Variants in UNC79 observed in about 807,000 individuals in gnomAD.
The protein encoded by UNC79 is protein unc-79 homolog.
Under a neutral mutation model 283.1 loss-of-function variants are expected in UNC79, and 37 were observed. The ratio of observed to expected loss-of-function variants is 0.13; its 90% confidence interval spans 0.10 to 0.17. The LOEUF (loss-of-function observed/expected upper bound fraction) is 0.17, where lower values mean the gene tolerates loss of function less well. Among genes scored for constraint, UNC79 ranks in the 10% least tolerant of loss-of-function variants. UNC79 has a pLI of 1.00. For missense variants in UNC79, 2,272 were observed against 3,211.1 expected (o/e 0.71, Z 7.07); for synonymous variants, 1,107 against 1,200.2 (o/e 0.92, Z 1.61).
intron 1 of UNC79, among the ~76,000 whole-genome samples, chr14:93,439,846 A>T (rs1346798009): frequency 1.3e-5 from 2 of 152,102 alleles, no homozygotes; most frequent in Non-Finnish European, 2.9e-5. Context: ...TCTCTAAAAA[A>T]TTATGCATTT....
chr14:93,604,768 T>A, intron 26 of UNC79, 128 bp from the exon 27 acceptor site: 1 of 966,998 alleles, frequency 1.0e-6, no homozygotes, highest in Non-Finnish European at 1.4e-6. Flanking sequence ...ACAACTTTTA[T>A]GTGATGTTAA....
Position 93,621,579 on chromosome 14 carries a change from A to C in UNC79, c.4388-42A>C, listed in dbSNP as rs1278430216. 6.7e-7 allele frequency: 1 copy of C among 1,493,130 alleles called. No homozygotes were observed. Among genetic ancestry groups the C allele is most frequent in the African/African-American group, 1.4e-5 (1 of 71,398 alleles). The allele number at this position is 1,493,130 out of a possible 1,614,324, so 92.5% of individuals were successfully genotyped here. On this transcript the variant is annotated intron_variant, in intron 29 of 48. Coordinates refer to ENST00000555664, the Ensembl canonical transcript of UNC79. This position sits in a 1 kb window ranked among gnomAD's most constrained non-coding sequence, Gnocchi z 4.8. Reference sequence around the variant, plus strand: ...AAGGATGAGGGGAAAAAATGGTGAAATCTCCAAGTAAAATAGTACTAGCTT... The same window carrying C: ...AAGGATGAGGGGAAAAAATGGTGAACTCTCCAAGTAAAATAGTACTAGCTT...
chr14:93,590,746 C>T (rs1262835973), intron 22 of UNC79, among the ~76,000 whole-genome samples: 2 of 152,172 alleles, frequency 1.3e-5, no homozygotes, highest in East Asian at 1.9e-4. Flanking sequence ...AGTCTGCCCT[C>T]GAGAGCTGGG....
At chr14:93,360,745 G>C (rs560573525) in intron 1 of UNC79, among the ~76,000 whole-genome samples, 2 of 152,328 alleles carry the variant, frequency 1.3e-5, no homozygotes, top group Admixed American at 1.3e-4. Flanking sequence ...GCAAGAAGTA[G>C]TAAACACACT....
chr14:93,582,709 C>T (rs139955850), intron 20 of UNC79, among the ~76,000 whole-genome samples: 72 of 152,254 alleles, frequency 4.7e-4, no homozygotes, highest in East Asian at 2.3e-3. Context: ...GGGGCTCTGG[C>T]GGTTGGGCTG....
intron 1 of UNC79, among the ~76,000 whole-genome samples, chr14:93,354,508 C>A (rs1182662179): frequency 6.6e-6 from 1 of 151,898 alleles, no homozygotes; most frequent in African/African-American, 2.4e-5. Context: ...GCATTTTTTT[C>A]TTTTTTTGAG....
chr14:93,534,797 C>A (rs1193767452), intron 11 of UNC79, among the ~76,000 whole-genome samples: 1 of 152,180 alleles, frequency 6.6e-6, no homozygotes, highest in African/African-American at 2.4e-5. Context: ...CAGGGTAGAT[C>A]ATTTTTTAAC....
intron 1 of UNC79, among the ~76,000 whole-genome samples, chr14:93,343,768 CTCAT>C (rs1202692917): frequency 1.3e-5 from 2 of 148,318 alleles, no homozygotes; most frequent in Admixed American, 6.6e-5. Flanking sequence ...GGGTGTCTTT[CTCAT>C]TCATTGTGTA....
chr14:93,516,006 C>G (rs2060036880), intron 7 of UNC79, among the ~76,000 whole-genome samples: 1 of 151,552 alleles, frequency 6.6e-6, no homozygotes, highest in Non-Finnish European at 1.5e-5. Context: ...TATTTGGAAT[C>G]AATTTTAGTA....
chr14:93,651,597 A>G (rs950517378), intron 35 of UNC79, among the ~76,000 whole-genome samples: 3 of 152,208 alleles, frequency 2.0e-5, no homozygotes, highest in Admixed American at 6.5e-5. Flanking sequence ...TGATTTTTGC[A>G]TATTAGCATG....
rs557093993 is a variant in UNC79, at chr14:93,358,184, C to T, written c.-351+24661C>T. Among the ~76,000 whole-genome samples, 19 of 151,958 alleles carry T rather than the reference C, an allele frequency of 1.3e-4. No individual in the cohort carries two copies. In the South Asian group the frequency reaches 3.9e-3, roughly 32 times the overall value. Reference sequence around the variant, plus strand: ...AATAGTATGGAGAACACTGATAGTCCTTGGCATGAACTGTTTAGAGAGTTA... The same window carrying T: ...AATAGTATGGAGAACACTGATAGTCTTTGGCATGAACTGTTTAGAGAGTTA... On this transcript the variant is annotated intron_variant, in intron 1 of 49. Coordinates refer to the UNC79 transcript ENST00000256339.
chr14:93,580,099 C>CTTT, intron 18 of UNC79, 50 bp from the exon 19 acceptor site: 5 of 1,307,738 alleles, frequency 3.8e-6, no homozygotes, highest in African/African-American at 1.5e-5. Context: ...CCTTCTTCTT[C>CTTT]TTTTTTTTTT....
rs867771484 is a variant in UNC79 at position 93,603,349 on chromosome 14, G to A, written c.3685G>A (p.Asp1229Asn). ...CCAGAAGAGTGTACGTTCCCTGAGG[G>A]ACAGCGTGAAAGGGCCTGTGGAATC... The change falls in exon 26 of 49, where the codon GAC becomes AAC. Residue 1229 changes from aspartate (D) to asparagine (N), a missense_variant. Physicochemically the swap from Asp to Asn is conservative, Grantham distance 23 (BLOSUM62 1). Around this residue, in one of 11 missense-constraint regions of UNC79, gnomAD observed 237 missense variants for 378.9 expected, o/e 0.63. Transcript: ENST00000555664. The A allele has an allele frequency of 1.9e-6, 3 of 1,614,050 alleles. No homozygotes were observed. In the African/African-American group the frequency reaches 4.0e-5, roughly 22 times the overall value.
At chr14:93,377,341 G>C (rs866891738) in intron 1 of UNC79, among the ~76,000 whole-genome samples, 1 of 151,972 alleles carries the variant, frequency 6.6e-6, no homozygotes, top group African/African-American at 2.4e-5. Context: ...TGATCCACCC[G>C]CCTCGGCCTC....
At chr14:93,511,636 G>A (rs369332145) in intron 7 of UNC79, among the ~76,000 whole-genome samples, 5 of 151,940 alleles carry the variant, frequency 3.3e-5, no homozygotes, top group Non-Finnish European at 7.4e-5. Context: ...TAATAGAGAC[G>A]GGGTTTCACC....
intron 1 of UNC79, among the ~76,000 whole-genome samples, chr14:93,382,304 A>G (rs2054680302): frequency 6.6e-6 from 1 of 152,046 alleles, no homozygotes; most frequent in South Asian, 2.1e-4. Context: ...AAAGAACACT[A>G]TTTTCTTATT....
At chr14:93,486,021 C>G (rs2058407567) in intron 4 of UNC79, among the ~76,000 whole-genome samples, 1 of 152,154 alleles carries the variant, frequency 6.6e-6, no homozygotes, top group African/African-American at 2.4e-5. Context: ...TAGAAGTTAT[C>G]TATCCTTTTT....
At position 93,477,743 on chromosome 14, in the gene UNC79, AC is replaced by A. The variant is rs2057884357; in HGVS notation, c.619+17del. On this transcript the variant is annotated intron_variant, in intron 4 of 48. Transcript: ENST00000555664. ...AATGGCTATATGTAAGTCCAATCTT[AC>A]CTAATACTAGATTATTTTTATGTAT... 1 of 1,599,086 alleles carries A rather than the reference AC, an allele frequency of 6.3e-7. No homozygotes were observed. Among genetic ancestry groups the A allele is most frequent in the Admixed American group, 1.7e-5 (1 of 57,528 alleles).
At chr14:93,676,420 A>C (rs1323851516) in intron 41 of UNC79, among the ~76,000 whole-genome samples, 1 of 152,202 alleles carries the variant, frequency 6.6e-6, no homozygotes, top group Non-Finnish European at 1.5e-5. Flanking sequence ...GGGCAGGTGA[A>C]CAGGGCTTAG....
Sources: allele counts gnomAD v4.1 joint callset (sites outside exome capture counted in the v4.1 genomes callset), GRCh38; gene constraint gnomAD v4.1.1; regional missense constraint gnomAD v4.1.1; non-coding constraint Gnocchi (gnomAD v3.1); transcripts MANE v1.5; gene names NCBI Gene and HGNC (gene_info 2026-07-23, HGNC 2026-07-21).